Variants in SACS observed in about 807,000 individuals in gnomAD.
SACS encodes sacsin molecular chaperone.
In SACS, 197 loss-of-function variants were observed where a neutral mutation model predicts 348.0. The observed-to-expected ratio is 0.57, with a 90% CI of 0.50 to 0.64. The LOEUF is 0.64. Ranked by LOEUF, SACS falls within the 30% of genes least tolerant of loss-of-function variation. The pLI is 0.00. For missense variants in SACS, 4,999 were observed against 5,360.8 expected (o/e 0.93, Z 2.11); for synonymous variants, 1,985 against 1,910.6 (o/e 1.04, Z -1.02).
At chr13:23,364,519 G>A (rs1870942378) in intron 6 of SACS, among the ~76,000 whole-genome samples, 1 of 152,172 alleles carries the variant, frequency 6.6e-6, no homozygotes. Flanking sequence ...GACCTCAGGT[G>A]ATCTGCCCAC....
intron 1 of SACS, among the ~76,000 whole-genome samples, chr13:23,430,071 G>A (rs1297870628): frequency 1.3e-5 from 2 of 152,068 alleles, no homozygotes; most frequent in Non-Finnish European, 2.9e-5. Context: ...AGCCGGACGT[G>A]GTAGCAGTCA....
chr13:23,367,849 C>T (rs1006335256), intron 5 of SACS, among the ~76,000 whole-genome samples: 5 of 152,192 alleles, frequency 3.3e-5, no homozygotes, highest in Admixed American at 6.5e-5. Flanking sequence ...CCGCCTCAGC[C>T]TCCCAAAGTG....
intron 1 of SACS, chr13:23,427,718 A>C (rs1874244180): frequency 1.3e-5 from 2 of 152,262 alleles, no homozygotes; most frequent in Admixed American, 1.3e-4. Flanking sequence ...AGGCAGGAGA[A>C]GAGTGTGGGA....
At chr13:23,364,202 C>T (rs1870921667) in intron 6 of SACS, among the ~76,000 whole-genome samples, 1 of 152,190 alleles carries the variant, frequency 6.6e-6, no homozygotes, top group Non-Finnish European at 1.5e-5. Context: ...AATCATAAAA[C>T]ATCTTTTTAA....
Position 23,372,502 on chromosome 13 carries a change from G to A in SACS, c.172-1337C>T, listed in dbSNP as rs533061647. Among the ~76,000 whole-genome samples the A allele has an allele frequency of 2.0e-5, 3 of 152,208 alleles. No homozygotes were observed. The South Asian group carries it at 6.2e-4, about 32-fold the overall frequency. ...ACTATCTAGCAGAGACTTTAGAATT[G>A]GTTAGAATTAGCTTTATCCCATTCA... On this transcript the variant is annotated intron_variant, in intron 3 of 9. Coordinates refer to ENST00000382292, the MANE Select transcript of SACS (RefSeq NM_014363.6).
rs188784621 is a variant in SACS at position 23,414,706 on chromosome 13, A to G, written c.-501-2966T>C. The stretch of plus-strand genomic sequence containing the variant: ...AATGATACATTTATTACAAAAATCA[A>G]TCTTTGGATAATATTTCCTCAGTAA... On this transcript the variant is annotated intron_variant, in intron 1 of 9. Coordinates refer to ENST00000382292, the MANE Select transcript of SACS (RefSeq NM_014363.6). 2.5e-3 allele frequency among the ~76,000 whole-genome samples: 383 copies of G among 152,374 alleles called. 2 individuals carry two copies. Among genetic ancestry groups the G allele is most frequent in the Middle Eastern group, 0.02 (6 of 294 alleles).
chr13:23,332,502 G>A lies in SACS; in HGVS notation c.11374C>T (p.Arg3792Ter), dbSNP rs565203731. Residue 3792 changes from arginine (R) to a stop codon, truncating the protein, a stop_gained, in exon 10 of 10, where the codon CGA (arginine) becomes TGA (stop). Transcript: ENST00000382292. LOFTEE classifies it high-confidence loss of function. ...TCTACCATCACAAAAGCAACCCCTC[G>A]CAACTGAAAACGAAATTCCCTTTTT... ...AEKREFRFQLRGVAFVMVEDG... is the reference protein window; with the variant it reads ...AEKREFRFQL The A allele has an allele frequency of 6.2e-6, 10 of 1,613,738 alleles. No individual in the cohort carries two copies. The highest frequency in any genetic ancestry group is 2.2e-5 in the South Asian group (2 of 91,074).
rs573538909 is a variant in SACS at position 23,346,855 on chromosome 13, C to A, written c.2186-5165G>T. 7 of 977,234 alleles carry A rather than the reference C, an allele frequency of 7.2e-6. No individual in the cohort carries two copies. The South Asian group carries it at 2.8e-4, about 40-fold the overall frequency. The allele number at this position is 977,234 out of a possible 1,614,324, so 60.5% of individuals were successfully genotyped here. ...TTGTTGTGCTAGAATACAATTAAAT[C>A]CATTCTTAGAAGAGGTCAGAATTGT... On this transcript the variant is annotated intron_variant, in intron 9 of 9. Transcript: ENST00000382292.
Position 23,336,195 on chromosome 13 carries a change from T to C in SACS, c.7681A>G (p.Ile2561Val), listed in dbSNP as rs1181797589. 6.2e-7 allele frequency: 1 copy of C among 1,614,050 alleles called. No individual in the cohort carries two copies. The highest frequency in any genetic ancestry group is 8.5e-7 in the Non-Finnish European group (1 of 1,179,942). The change falls in exon 10 of 10, where the codon ATC becomes GTC. Residue 2561 changes from isoleucine (I) to valine (V), a missense_variant. Physicochemically the swap from Ile to Val is conservative, Grantham distance 29 (BLOSUM62 3). This residue lies in a region of SACS where 3,156 missense variants were observed against 3,380.1 expected (regional missense o/e 0.93). Coordinates refer to ENST00000382292, the MANE Select transcript of SACS (RefSeq NM_014363.6). ...QNADDAKATE[I>V]CFVFDPRQHP... ...TGTCTAGGATCAAACACAAAACAGA[T>C]TTCTGTCGCCTTTGCATCATCAGCA...
At chr13:23,393,660 A>C (rs1872610882) in intron 2 of SACS, among the ~76,000 whole-genome samples, 1 of 152,198 alleles carries the variant, frequency 6.6e-6, no homozygotes, top group Non-Finnish European at 1.5e-5. Flanking sequence ...GGCACACAGC[A>C]CTTAAAACTC....
chr13:23,363,371 G>C (rs1037247968), intron 6 of SACS, among the ~76,000 whole-genome samples: 1 of 151,872 alleles, frequency 6.6e-6, no homozygotes, highest in African/African-American at 2.4e-5. Flanking sequence ...GTGATTACAG[G>C]TGCCCGCCAC....
intron 4 of SACS, among the ~76,000 whole-genome samples, chr13:23,368,757 C>T (rs908041375): frequency 2.6e-5 from 4 of 152,126 alleles, no homozygotes; most frequent in Non-Finnish European, 1.5e-5. Context: ...GAAGTGCAGT[C>T]GTGTGATCTC....
chr13:23,392,160 T>C (rs1292263701), intron 2 of SACS, among the ~76,000 whole-genome samples: 22 of 152,312 alleles, frequency 1.4e-4, no homozygotes, highest in Non-Finnish European at 1.5e-5. Flanking sequence ...TTGATGACTC[T>C]TTTCCTAAAG....
rs1874529145 is a variant in SACS at position 23,433,694 on chromosome 13, A to C, written c.-581T>G. 6.6e-6 allele frequency: 1 copy of C among 152,320 alleles called. No homozygotes were observed. Among genetic ancestry groups the C allele is most frequent in the South Asian group, 2.1e-4 (1 of 4,826 alleles). The allele number at this position is 152,320 out of a possible 1,614,324, so 9.4% of individuals were successfully genotyped here. On this transcript the variant is annotated 5_prime_UTR_variant, in exon 1 of 10. Transcript: ENST00000382292. ...GCAGTTCCCAGCGTGACTGTCCCGC[A>C]GCCGCACTGGGTCCAGGCGGCTCCT...
rs780464110 is a variant in SACS, at chr13:23,335,662, T to C, written c.8214A>G (p.Leu2738=). 2 of 1,614,054 alleles carry C rather than the reference T, an allele frequency of 1.2e-6. No individual in the cohort carries two copies. Among genetic ancestry groups the C allele is most frequent in the Admixed American group, 1.7e-5 (1 of 60,012 alleles). ...DKLRSDGAEL[L]MFLNHMEKIS... is the part of the protein sequence containing the mutation. ...TTTTTTCCATGTGATTAAGAAACAT[T>C]AGAAGTTCTGCCCCATCTGAGCGCA... Residue 2738 remains leucine, a synonymous_variant, in exon 10 of 10, where the codon CTA becomes CTG. Coordinates refer to ENST00000382292, the MANE Select transcript of SACS (RefSeq NM_014363.6). The surrounding 1 kb of genome is among the most constrained non-coding windows in gnomAD (Gnocchi z 4.7).
At position 23,340,061 on chromosome 13, in the gene SACS, G is replaced by A; in HGVS notation, c.3815C>T (p.Ala1272Val). 1 of 1,613,954 alleles carries A rather than the reference G, an allele frequency of 6.2e-7. No homozygotes were observed. Among genetic ancestry groups the A allele is most frequent in the Non-Finnish European group, 8.5e-7 (1 of 1,179,954 alleles). Residue 1272 changes from alanine (A) to valine (V), a missense_variant, in exon 10 of 10, where the codon GCC becomes GTC. By Grantham distance (64) the Ala-to-Val change is moderately conservative. This residue lies in a region of SACS where 3,156 missense variants were observed against 3,380.1 expected (regional missense o/e 0.93). Coordinates refer to ENST00000382292, the MANE Select transcript of SACS (RefSeq NM_014363.6). The part of the protein sequence containing the change: ...HLNEGKDSFR[A>V]LKFPWVWTGK... ...AGTCCAAACCCATGGAAATTTTAAG[G>A]CTCTAAAAGAATCTTTCCCTTCATT...
In SACS at chr13:23,337,636, A is replaced by T; in HGVS notation, c.6240T>A (p.Val2080=). The T allele has an allele frequency of 6.2e-7, 1 of 1,613,854 alleles. No homozygotes were observed. Among genetic ancestry groups the T allele is most frequent in the Non-Finnish European group, 8.5e-7 (1 of 1,179,930 alleles). The part of the protein sequence containing the change: ...AELRDPLMIF[V]LNEKVDEFSG... ...AGAACTCATCAACTTTTTCATTTAG[A>T]ACAAAGATCATTAAAGGATCTCTAA... Residue 2080 remains valine, a synonymous_variant, in exon 10 of 10, where the codon GTT becomes GTA. Coordinates refer to ENST00000382292, the MANE Select transcript of SACS (RefSeq NM_014363.6).
chr13:23,363,545 C>A (rs1870875072), intron 6 of SACS, among the ~76,000 whole-genome samples: 2 of 152,104 alleles, frequency 1.3e-5, no homozygotes, highest in African/African-American at 2.4e-5. Context: ...TTTAAATTGG[C>A]CACTTTTAAA....
In SACS at chr13:23,329,571, TAGTC is replaced by T. The variant is rs1883337898; in HGVS notation, c.*561_*564del. Reference sequence around the variant, plus strand: ...CTAAAAAGTACTACCTTCACACTCTTAGTCAAGTAATAGGATTAAAATACTCTAC... The same window carrying T: ...CTAAAAAGTACTACCTTCACACTCTTAAGTAATAGGATTAAAATACTCTAC... On this transcript the variant is annotated 3_prime_UTR_variant, in exon 10 of 10. Transcript: ENST00000382292. 8.1e-6 allele frequency: 5 copies of T among 616,706 alleles called. No individual in the cohort carries two copies. The highest frequency in any genetic ancestry group is 4.2e-5 in the South Asian group (2 of 47,782). The allele number at this position is 616,706 out of a possible 1,614,324, so 38.2% of individuals were successfully genotyped here.
Sources: gnomAD v4.1 joint callset for allele counts (sites outside exome capture counted in the v4.1 genomes callset) on GRCh38, gnomAD v4.1.1 for gene constraint, gnomAD v4.1.1 regional missense constraint, Gnocchi (gnomAD v3.1) non-coding constraint, MANE v1.5 for transcripts, NCBI Gene and HGNC (gene_info 2026-07-23, HGNC 2026-07-21) for gene names.